Variants in KIAA1549L observed in about 807,000 individuals in gnomAD.
KIAA1549L encodes KIAA1549 like, also known as UPF0606 protein KIAA1549L.
A neutral mutation model predicts 160.7 loss-of-function variants in KIAA1549L; 88 were observed. The observed-to-expected ratio is 0.55, with a 90% CI of 0.46 to 0.65. The LOEUF (loss-of-function observed/expected upper bound fraction) is 0.65, where lower values mean the gene tolerates loss of function less well. Among genes scored for constraint, KIAA1549L ranks in the 30% least tolerant of loss-of-function variants. The pLI is 0.00. For synonymous variants in KIAA1549L, 950 were observed against 976.7 expected, an observed-to-expected ratio of 0.97 and a Z score of 0.51; for missense variants, 2,258 against 2,437.5, an observed-to-expected ratio of 0.93 and a Z score of 1.55.
intron 1 of KIAA1549L, among the ~76,000 whole-genome samples, chr11:33,404,567 AG>A (rs1488046477): frequency 2.0e-5 from 3 of 152,028 alleles, no homozygotes; most frequent in Non-Finnish European, 4.4e-5. Flanking sequence ...TTTCATTTAA[AG>A]TCAGATAAGT....
intron 16 of KIAA1549L, among the ~76,000 whole-genome samples, chr11:33,631,969 G>A (rs533966207): frequency 6.6e-6 from 1 of 152,220 alleles, no homozygotes; most frequent in Non-Finnish European, 1.5e-5. Context: ...GAAAAAATGG[G>A]TCACGTTTCT....
At chr11:33,551,392 T>A in intron 5 of KIAA1549L, 133 bp downstream of exon 5, 1 of 715,222 alleles carries the variant, frequency 1.4e-6, no homozygotes, top group Non-Finnish European at 2.4e-6. Flanking sequence ...CTTCAAAGGG[T>A]CCTGCTAATC....
intron 1 of KIAA1549L, among the ~76,000 whole-genome samples, chr11:33,476,107 G>A (rs1253955164): frequency 6.6e-6 from 1 of 152,236 alleles, no homozygotes; most frequent in Non-Finnish European, 1.5e-5. Context: ...AAGTTTGAAT[G>A]CTTCTCAGGA....
chr11:33,435,818 GTA>G lies in KIAA1549L; in HGVS notation c.238+58941_238+58942del, dbSNP rs1178288261. ...TATATATATATATATATATGTGTGT[GTA>G]TATATATATATGTATATGTATATGT... On this transcript the variant is annotated intron_variant, in intron 1 of 20. Transcript: ENST00000658780. 3.5e-4 allele frequency among the ~76,000 whole-genome samples: 16 copies of G among 45,308 alleles called. 2 individuals carry two copies. The highest frequency in any genetic ancestry group is 8.5e-4 in the African/African-American group (10 of 11,700). The allele number at this position is 45,308 out of a possible 152,430, so 29.7% of individuals were successfully genotyped here. A position where few individuals can be genotyped will look rare whatever the true frequency, so the allele number is the denominator to read the frequency against.
chr11:33,651,539 A>G (rs758553736), intron 17 of KIAA1549L, among the ~76,000 whole-genome samples: 1 of 151,860 alleles, frequency 6.6e-6, no homozygotes, highest in Non-Finnish European at 1.5e-5. Context: ...TCGAAGAACT[A>G]TGGAGGAAAA....
At chr11:33,490,521 C>T (rs984629713) in intron 1 of KIAA1549L, among the ~76,000 whole-genome samples, 10 of 152,152 alleles carry the variant, frequency 6.6e-5, no homozygotes, top group African/African-American at 2.4e-4. Context: ...GATGAGGTTT[C>T]ACCGTGTTGC....
chr11:33,446,432 T>A (rs755523615), intron 1 of KIAA1549L, among the ~76,000 whole-genome samples: 51 of 152,204 alleles, frequency 3.4e-4, no homozygotes, highest in Non-Finnish European at 5.6e-4. Flanking sequence ...GTCCTGTCTT[T>A]AAAGAACTCT....
At chr11:33,657,220 G>T (rs1852095363) in intron 18 of KIAA1549L, among the ~76,000 whole-genome samples, 1 of 152,144 alleles carries the variant, frequency 6.6e-6, no homozygotes, top group Non-Finnish European at 1.5e-5. Flanking sequence ...GACCTTCCTA[G>T]GAGAGTAGCA....
At chr11:33,606,105 G>A (rs1484775313) in intron 13 of KIAA1549L, among the ~76,000 whole-genome samples, 1 of 150,724 alleles carries the variant, frequency 6.6e-6, no homozygotes, top group African/African-American at 2.4e-5. Flanking sequence ...CCAAATCACT[G>A]GGGAAACAAC....
chr11:33,541,739 C>A (rs1252237315), intron 1 of KIAA1549L, 63 bp from the exon 2 acceptor site: 1 of 212,414 alleles, frequency 4.7e-6, no homozygotes, highest in Non-Finnish European at 9.9e-6. Context: ...GTCTCCAGCA[C>A]CTGACCACAG....
chr11:33,641,570 CTGTATATATATATATATATATATATA>C (rs1851580047), intron 16 of KIAA1549L, among the ~76,000 whole-genome samples: 1 of 55,882 alleles, frequency 1.8e-5, no homozygotes, highest in Non-Finnish European at 3.4e-5. Flanking sequence ...GGTAATGGAT[CTGTATATATATATATATATATATATA>C]TATATATATA....
At position 33,618,583 on chromosome 11, in the gene KIAA1549L, C is replaced by G. The variant is rs563909802; in HGVS notation, c.5330C>G (p.Pro1777Arg). Residue 1777 changes from proline to arginine, a missense_variant, in exon 16 of 21, where the codon CCG (proline) becomes CGG (arginine). Pro to Arg is a moderately radical substitution (Grantham distance 103). This residue lies in a region of KIAA1549L where 1,359 missense variants were observed against 1,546.6 expected (regional missense o/e 0.88). Transcript: ENST00000658780. ...VYRSRQSLNS[P>R]SPGETEMDLL... is the part of the protein sequence containing the mutation. ...AGAAGCCGGCAGTCTCTGAACAGCC[C>G]GAGTCCAGGGGAAACCGAGATGGAC... 1.2e-6 allele frequency: 2 copies of G among 1,611,260 alleles called. No homozygotes were observed. The highest frequency in any genetic ancestry group is 2.7e-5 in the African/African-American group (2 of 74,990).
At chr11:33,603,804 CAAA>C (rs1197577650) in intron 13 of KIAA1549L, among the ~76,000 whole-genome samples, 1 of 133,562 alleles carries the variant, frequency 7.5e-6, no homozygotes. Context: ...AAGACTCCAC[CAAA>C]AAAAAAAAAG....
At chr11:33,612,579 A>G (rs534437375) in intron 15 of KIAA1549L, among the ~76,000 whole-genome samples, 14 of 152,194 alleles carry the variant, frequency 9.2e-5, no homozygotes, top group African/African-American at 2.6e-4. Context: ...ATTGCTATAA[A>G]AAATACCTGA....
chr11:33,544,705 T>A, intron 2 of KIAA1549L, 62 bp from the exon 3 acceptor site: 1 of 1,528,394 alleles, frequency 6.5e-7, no homozygotes, highest in Non-Finnish European at 8.8e-7. Flanking sequence ...CCATTCATCA[T>A]CAGAACAAGT....
intron 1 of KIAA1549L, among the ~76,000 whole-genome samples, chr11:33,406,196 T>TC (rs1332316984): frequency 6.6e-6 from 1 of 151,948 alleles, no homozygotes; most frequent in Non-Finnish European, 1.5e-5. Context: ...GGCATGTTGC[T>TC]CCCCCCAAAA....
chr11:33,522,772 G>A (rs1299833199), intron 1 of KIAA1549L, among the ~76,000 whole-genome samples: 1 of 152,096 alleles, frequency 6.6e-6, no homozygotes, highest in Non-Finnish European at 1.5e-5. Flanking sequence ...GGTGGCGTAT[G>A]TCTGTAGTCC....
At chr11:33,560,046 G>A in intron 7 of KIAA1549L, 135 bp downstream of exon 7, 1 of 832,716 alleles carries the variant, frequency 1.2e-6, no homozygotes, top group Non-Finnish European at 1.9e-6. Flanking sequence ...GATGGATTAA[G>A]GTGACAGCTA....
intron 1 of KIAA1549L, among the ~76,000 whole-genome samples, chr11:33,462,166 C>G (rs761644553): frequency 6.6e-6 from 1 of 152,096 alleles, no homozygotes; most frequent in Admixed American, 6.5e-5. Context: ...GAACCAGTTT[C>G]CAGTAAAAAG....
Sources: allele counts gnomAD v4.1 joint callset (sites outside exome capture counted in the v4.1 genomes callset), GRCh38; gene constraint gnomAD v4.1.1; regional missense constraint gnomAD v4.1.1; transcripts MANE v1.5; gene names NCBI Gene and HGNC (gene_info 2026-07-23, HGNC 2026-07-21).